The following SLC25A38 variants were observed in gnomAD, a reference collection of about 807,000 sequenced individuals.
SLC25A38 encodes the protein solute carrier family 25 member 38, also known as mitochondrial glycine transporter.
In SLC25A38, 27 loss-of-function variants were observed where a neutral mutation model predicts 33.4. The observed-to-expected ratio is 0.81, with a 90% confidence interval of 0.60 to 1.11. The LOEUF is 1.11. Among genes scored for constraint, SLC25A38 ranks in the 50% most tolerant of loss-of-function variants. The probability of loss-of-function intolerance (pLI) is 0.00; values close to 1 mark genes in which losing one functional copy is unlikely to be tolerated. For missense variants in SLC25A38, 344 were observed against 388.8 expected, an observed-to-expected ratio of 0.88 and a Z score of 0.97; for synonymous variants, 123 against 145.9, an observed-to-expected ratio of 0.84 and a Z score of 1.13.
Position 39,391,996 on chromosome 3 carries a change from C to T in SLC25A38, c.600C>T (p.Asn200=). Residue 200 remains asparagine, a synonymous_variant, in exon 5 of 7, where the codon AAC becomes AAT. Transcript: ENST00000650617. ...PFSGIYLMFY[N]QTKNIVPHDQ... ...CAGGAATCTACCTGATGTTTTACAACCAGACCAAAAATATAGTGCCTCATG... is the reference window on the plus strand; with the variant it reads ...CAGGAATCTACCTGATGTTTTACAATCAGACCAAAAATATAGTGCCTCATG... 6.2e-7 allele frequency: 1 copy of T among 1,614,174 alleles called. No homozygotes were observed. Among genetic ancestry groups the T allele is most frequent in the Non-Finnish European group, 8.5e-7 (1 of 1,180,036 alleles).
At chr3:39,392,210 A>AT (rs1559393261) in intron 5 of SLC25A38, among the ~76,000 whole-genome samples, 189 bp downstream of exon 5, 1 of 133,332 alleles carries the variant, frequency 7.5e-6, no homozygotes, top group Non-Finnish European at 1.5e-5. Flanking sequence ...TGGAGTTTAC[A>AT]TCCTATTAAG....
At position 39,396,760 on chromosome 3, in the gene SLC25A38, C is replaced by T. The variant is rs534291445; in HGVS notation, c.*240C>T. On this transcript the variant is annotated 3_prime_UTR_variant, in exon 7 of 7. Transcript: ENST00000650617. ...AGCACACTAGGGTGTTAGGAGAGAG[C>T]TTTGCATACTCTGAGAGGCTACTTG... The T allele has an allele frequency of 6.8e-5, 40 of 587,760 alleles. No homozygotes were observed. In the East Asian group the frequency reaches 1.3e-3, roughly 19 times the overall value. 36.4% of individuals were successfully genotyped at this position (587,760 alleles called of 1,614,324 possible).
chr3:39,394,972 A>AC (rs1553612077), intron 6 of SLC25A38, among the ~76,000 whole-genome samples: 1 of 151,630 alleles, frequency 6.6e-6, no homozygotes, highest in Non-Finnish European at 1.5e-5. Flanking sequence ...GAAAAAAAAA[A>AC]CCCACACAAA....
intron 1 of SLC25A38, chr3:39,384,505 C>CG: frequency 1.3e-5 from 5 of 390,180 alleles, no homozygotes; most frequent in Admixed American, 4.4e-5. Context: ...GTAGGGGCGG[C>CG]TTTTATTTTT....
intron 5 of SLC25A38, among the ~76,000 whole-genome samples, chr3:39,393,940 A>G (rs2041802639): frequency 6.6e-6 from 1 of 152,186 alleles, no homozygotes; most frequent in Admixed American, 6.5e-5. Flanking sequence ...ATTTTTAGCA[A>G]GAGGACCACA....
chr3:39,385,396 A>G (rs2041698619), intron 1 of SLC25A38, among the ~76,000 whole-genome samples: 2 of 152,198 alleles, frequency 1.3e-5, no homozygotes, highest in Non-Finnish European at 1.5e-5. Flanking sequence ...ATTTCCTGCA[A>G]TCAAGGGTGG....
intron 1 of SLC25A38, among the ~76,000 whole-genome samples, chr3:39,385,517 A>T (rs972661565): frequency 1.3e-5 from 2 of 152,164 alleles, no homozygotes; most frequent in Non-Finnish European, 2.9e-5. Flanking sequence ...ACTGCAGGTC[A>T]TTCCTATAGC....
chr3:39,383,438 C>T lies in SLC25A38; in HGVS notation c.-287C>T, dbSNP rs1389934592. On this transcript the variant is annotated 5_prime_UTR_variant, in exon 1 of 7. Coordinates refer to ENST00000650617, the MANE Select transcript of SLC25A38 (RefSeq NM_017875.4). ...TCATCTCCTACGGTGCTGAAGCCTG[C>T]AGCAGGGCAGGATGGGCAGGAGAGC... 4.1e-6 allele frequency: 2 copies of T among 484,804 alleles called. No homozygotes were observed. Among genetic ancestry groups the T allele is most frequent in the East Asian group, 4.0e-5 (1 of 25,126 alleles). The allele number at this position is 484,804 out of a possible 1,614,324, so 30.0% of individuals were successfully genotyped here.
chr3:39,383,843 G>C (rs1336529832), intron 1 of SLC25A38, 50 bp downstream of exon 1: 1 of 1,605,558 alleles, frequency 6.2e-7, no homozygotes, highest in Admixed American at 1.7e-5. Context: ...CGCGGGCTCG[G>C]GCCGGAGAAT....
Position 39,383,413 on chromosome 3 carries a change from T to TA in SLC25A38, c.-312_-311insA. 1 of 401,330 alleles carries TA rather than the reference T, an allele frequency of 2.5e-6. No homozygotes were observed. 24.9% of individuals were successfully genotyped at this position (401,330 alleles called of 1,614,324 possible). On this transcript the variant is annotated 5_prime_UTR_variant, in exon 1 of 7. Transcript: ENST00000650617. The stretch of plus-strand genomic sequence containing the variant: ...CCTCCACCCCGGGATACACAGAACC[T>TA]CATCTCCTACGGTGCTGAAGCCTGC...
rs767711682 is a variant in SLC25A38, at chr3:39,396,941, G to T, written c.*421G>T. On this transcript the variant is annotated 3_prime_UTR_variant, in exon 7 of 7. Coordinates refer to ENST00000650617, the MANE Select transcript of SLC25A38 (RefSeq NM_017875.4). ...GGCCTGAGGAGCTCCAACCAGGGAA[G>T]ACTGGATGTGAGGAGAGGAGTCACT... The T allele has an allele frequency of 2.9e-5, 9 of 312,706 alleles. No homozygotes were observed. Among genetic ancestry groups the T allele is most frequent in the Non-Finnish European group, 5.0e-5 (8 of 159,182 alleles). The allele number at this position is 312,706 out of a possible 1,614,324, so 19.4% of individuals were successfully genotyped here.
chr3:39,384,037 G>A (rs2041678123), intron 1 of SLC25A38, among the ~76,000 whole-genome samples: 1 of 152,220 alleles, frequency 6.6e-6, no homozygotes, highest in African/African-American at 2.4e-5. Context: ...GGTAAAGGGC[G>A]GAATTGCCGG....
chr3:39,384,513 T>A (rs1346874760), intron 1 of SLC25A38: 19 of 393,286 alleles, frequency 4.8e-5, no homozygotes, highest in East Asian at 1.4e-4. Context: ...GGCTTTTATT[T>A]TTTTTTTTAA....
intron 1 of SLC25A38, chr3:39,384,390 G>A (rs568867854): frequency 6.6e-5 from 21 of 316,504 alleles, no homozygotes; most frequent in African/African-American, 2.1e-5. Context: ...GGCTGGCGGC[G>A]TGGTTGCCCG....
At chr3:39,392,476 A>G (rs1392478591) in intron 5 of SLC25A38, among the ~76,000 whole-genome samples, 1 of 152,018 alleles carries the variant, frequency 6.6e-6, no homozygotes, top group East Asian at 1.9e-4. Context: ...AAGAAAAATA[A>G]TATTTTCATC....
chr3:39,384,129 C>G (rs1366075186), intron 1 of SLC25A38, among the ~76,000 whole-genome samples: 1 of 152,210 alleles, frequency 6.6e-6, no homozygotes, highest in African/African-American at 2.4e-5. Flanking sequence ...GAAGGGCACC[C>G]GGGCAGATTT....
intron 1 of SLC25A38, among the ~76,000 whole-genome samples, chr3:39,384,069 G>A (rs531866967): frequency 2.0e-5 from 3 of 152,212 alleles, no homozygotes; most frequent in Admixed American, 6.5e-5. Flanking sequence ...GACGCGTGCC[G>A]GGGAGTGTGC....
Position 39,389,749 on chromosome 3 carries a change from G to A in SLC25A38, c.191+133G>A, listed in dbSNP as rs149991165. 32 of 1,433,160 alleles carry A rather than the reference G, an allele frequency of 2.2e-5. No homozygotes were observed. In the African/African-American group the frequency reaches 4.2e-4, roughly 19 times the overall value. The allele number at this position is 1,433,160 out of a possible 1,614,324, so 88.8% of individuals were successfully genotyped here. The stretch of plus-strand genomic sequence containing the variant: ...CACAGGCCATGCCCAACTTTCATAT[G>A]TTCTCTGAATTGTTTTTATATTTGA... On this transcript the variant is annotated intron_variant, in intron 2 of 6. Transcript: ENST00000650617. This position sits in a 1 kb window ranked among gnomAD's most constrained non-coding sequence, Gnocchi z 4.5.
intron 3 of SLC25A38, among the ~76,000 whole-genome samples, chr3:39,391,065 T>C (rs1307250746): frequency 6.6e-6 from 1 of 152,236 alleles, no homozygotes; most frequent in Non-Finnish European, 1.5e-5. Context: ...GAAGTGATGT[T>C]GATTTCCTAA....
Sources: allele counts gnomAD v4.1 joint callset (sites outside exome capture counted in the v4.1 genomes callset), GRCh38; gene constraint gnomAD v4.1.1; non-coding constraint Gnocchi (gnomAD v3.1); transcripts MANE v1.5; gene names NCBI Gene and HGNC (gene_info 2026-07-23, HGNC 2026-07-21).